SYK: variants seen among roughly 807,000 people sequenced by gnomAD.
SYK encodes tyrosine-protein kinase SYK.
Under a neutral mutation model 77.8 loss-of-function variants are expected in SYK, and 16 were observed. That is an observed-to-expected ratio of 0.21 (90% CI 0.14 to 0.31). The LOEUF (loss-of-function observed/expected upper bound fraction) is 0.31, where lower values mean the gene tolerates loss of function less well. SYK is among the 10% of genes least tolerant of loss of function. The pLI is 1.00. For missense variants in SYK, 529 were observed against 814.4 expected (o/e 0.65, Z 4.26); for synonymous variants, 312 against 308.7 (o/e 1.01, Z -0.11).
chr9:90,886,300 C>CT (rs921939615), intron 11 of SYK, among the ~76,000 whole-genome samples: 40 of 152,092 alleles, frequency 2.6e-4, no homozygotes, highest in African/African-American at 7.5e-4. Flanking sequence ...ATTAAAAAGA[C>CT]TTTTTTTAAA....
intron 11 of SYK, among the ~76,000 whole-genome samples, chr9:90,884,146 T>TGA (rs1387732609): frequency 1.2e-4 from 5 of 43,478 alleles, no homozygotes; most frequent in African/African-American, 8.5e-4. Flanking sequence ...TATATATATG[T>TGA]GTGTGTGTAT....
chr9:90,842,450 C>CGGTGTGTTTCATGTGTGT, intron 1 of SYK, among the ~76,000 whole-genome samples: 1 of 131,508 alleles, frequency 7.6e-6, no homozygotes, highest in Admixed American at 7.6e-5. Flanking sequence ...TTGGTGTGTG[C>CGGTGTGTTTCATGTGTGT]GGTGTGTTTC....
intron 1 of SYK, among the ~76,000 whole-genome samples, chr9:90,803,842 A>T (rs189040575): frequency 6.6e-6 from 1 of 152,226 alleles, no homozygotes; most frequent in Non-Finnish European, 1.5e-5. Flanking sequence ...TGCTGGTTAC[A>T]TGCCATTCCA....
At chr9:90,867,237 G>A (rs913983136) in intron 7 of SYK, 38 bp downstream of exon 7, 10 of 1,609,470 alleles carry the variant, frequency 6.2e-6, no homozygotes, top group African/African-American at 1.3e-5. Flanking sequence ...CAACTAAGTG[G>A]TAGGACCAAC....
At chr9:90,891,170 G>A (rs1828775676) in intron 13 of SYK, among the ~76,000 whole-genome samples, 2 of 135,502 alleles carry the variant, frequency 1.5e-5, no homozygotes, top group South Asian at 5.0e-4. Flanking sequence ...TTTTGAGACG[G>A]AGTCTCACTC....
At chr9:90,842,554 GTC>G (rs1826407437) in intron 1 of SYK, among the ~76,000 whole-genome samples, 1 of 151,210 alleles carries the variant, frequency 6.6e-6, no homozygotes, top group Admixed American at 6.6e-5. Flanking sequence ...TGTGTTTCAT[GTC>G]TGTTTTGTGT....
intron 1 of SYK, among the ~76,000 whole-genome samples, chr9:90,842,756 A>AGT (rs1423688327): frequency 0.016 from 2,281 of 143,688 alleles, 54 homozygotes; most frequent in African/African-American, 0.05. Flanking sequence ...TGGTATGGAG[A>AGT]GAGTGTGTGT....
chr9:90,888,333 C>T (rs1176542005), intron 12 of SYK, among the ~76,000 whole-genome samples, 182 bp from the exon 13 acceptor site: 2 of 152,198 alleles, frequency 1.3e-5, no homozygotes, highest in African/African-American at 4.8e-5. Context: ...TCTGCACACA[C>T]AGCCTTCCCC....
chr9:90,883,665 T>C (rs868102082), intron 11 of SYK, among the ~76,000 whole-genome samples: 1 of 152,058 alleles, frequency 6.6e-6, no homozygotes, highest in Non-Finnish European at 1.5e-5. Flanking sequence ...ATTGGCCTAG[T>C]CACATGCCCC....
intron 1 of SYK, among the ~76,000 whole-genome samples, chr9:90,814,262 G>A (rs72729010): frequency 0.027 from 4,169 of 152,232 alleles, 135 homozygotes; most frequent in East Asian, 0.16. Context: ...TGGTCCTGGC[G>A]GTGTGTTTAT....
At position 90,821,400 on chromosome 9, in the gene SYK, A is replaced by G. The variant is rs561040006; in HGVS notation, c.-42+19507A>G. ...CACATGGCTGGGAGGCCCCAGAATC[A>G]TGGAGGGAGGTGAAAGGCACTTCTT... On this transcript the variant is annotated intron_variant, in intron 1 of 13. Transcript: ENST00000375754. Among the ~76,000 whole-genome samples the G allele has an allele frequency of 2.6e-5, 4 of 152,382 alleles. No homozygotes were observed. The East Asian group carries it at 7.7e-4, about 29-fold the overall frequency.
At chr9:90,810,603 T>G (rs1005849707) in intron 1 of SYK, among the ~76,000 whole-genome samples, 1 of 152,096 alleles carries the variant, frequency 6.6e-6, no homozygotes, top group Non-Finnish European at 1.5e-5. Context: ...TCTCCAGATA[T>G]GGAGATGGAC....
chr9:90,852,740 T>C (rs1826866130), intron 3 of SYK, among the ~76,000 whole-genome samples: 1 of 152,190 alleles, frequency 6.6e-6, no homozygotes, highest in Non-Finnish European at 1.5e-5. Flanking sequence ...GTTTCTACCT[T>C]CTGACTTTAG....
intron 13 of SYK, among the ~76,000 whole-genome samples, chr9:90,893,958 C>T (rs963256202): frequency 9.2e-5 from 14 of 152,336 alleles, no homozygotes; most frequent in Non-Finnish European, 1.9e-4. Flanking sequence ...TGCTGAAGCA[C>T]AGCTGTGTCC....
intron 1 of SYK, among the ~76,000 whole-genome samples, chr9:90,834,797 T>C (rs1826010811): frequency 6.6e-6 from 1 of 152,192 alleles, no homozygotes; most frequent in Non-Finnish European, 1.5e-5. Context: ...TAGTATATTT[T>C]ATATGTGGCC....
intron 1 of SYK, among the ~76,000 whole-genome samples, chr9:90,812,322 A>G (rs1397488922): frequency 6.6e-6 from 1 of 152,212 alleles, no homozygotes; most frequent in Non-Finnish European, 1.5e-5. Context: ...TTAGAAACAC[A>G]TCATGCATCA....
Position 90,897,782 on chromosome 9 carries a change from CCT to C in SYK, c.*2187_*2188del. On this transcript the variant is annotated 3_prime_UTR_variant, in exon 14 of 14. Transcript: ENST00000375754. ...CCTTGTCCCTGGACAATCTCCTGAG[CCT>C]CTCTGCTTGGTGGAGCAGGCACCTG... The C allele has an allele frequency of 4.5e-6, 1 of 222,768 alleles. No homozygotes were observed. The highest frequency in any genetic ancestry group is 6.5e-5 in the East Asian group (1 of 15,292). The allele number at this position is 222,768 out of a possible 1,614,324, so 13.8% of individuals were successfully genotyped here.
At chr9:90,848,636 A>G (rs1826691525) in intron 3 of SYK, among the ~76,000 whole-genome samples, 1 of 152,026 alleles carries the variant, frequency 6.6e-6, no homozygotes, top group Middle Eastern at 3.2e-3. Flanking sequence ...GCTCATGTCT[A>G]CTTTCCAATC....
At chr9:90,875,306 A>G (rs970153699) in intron 9 of SYK, among the ~76,000 whole-genome samples, 4 of 152,110 alleles carry the variant, frequency 2.6e-5, no homozygotes, top group Non-Finnish European at 4.4e-5. Context: ...GCACACATAT[A>G]CTTCCAGCTG....
Sources: gnomAD v4.1 joint callset for allele counts (sites outside exome capture counted in the v4.1 genomes callset) on GRCh38, gnomAD v4.1.1 for gene constraint, MANE v1.5 for transcripts, NCBI Gene and HGNC (gene_info 2026-07-23, HGNC 2026-07-21) for gene names.